The following MAST4 variants were observed in gnomAD, a reference collection of about 807,000 sequenced individuals.
MAST4 encodes microtubule-associated serine/threonine-protein kinase 4.
In MAST4, 89 loss-of-function variants were observed where a neutral mutation model predicts 162.7. The observed-to-expected ratio is 0.55, with a 90% confidence interval of 0.46 to 0.65. The LOEUF is 0.65. Ranked by LOEUF, MAST4 falls within the 30% of genes least tolerant of loss-of-function variation. MAST4 has a pLI of 0.00. For synonymous variants in MAST4, 1,479 were observed against 1,361.1 expected (o/e 1.09, Z -1.91); for missense variants, 3,153 against 3,374.0 (o/e 0.93, Z 1.62).
chr5:67,056,653 CAG>C (rs1237025041), intron 5 of MAST4, among the ~76,000 whole-genome samples: 1 of 152,128 alleles, frequency 6.6e-6, no homozygotes, highest in Non-Finnish European at 1.5e-5. Flanking sequence ...AGAATTTAAT[CAG>C]AGGAATGGGC....
intron 4 of MAST4, among the ~76,000 whole-genome samples, chr5:66,907,608 G>GTC (rs1763464157): frequency 6.6e-6 from 1 of 150,634 alleles, no homozygotes; most frequent in African/African-American, 2.5e-5. Context: ...GTGTGTGTGT[G>GTC]TGTGTGTGTG....
intron 4 of MAST4, chr5:66,964,004 G>A (rs1746342141): frequency 1.5e-6 from 1 of 688,288 alleles, no homozygotes; most frequent in Non-Finnish European, 2.7e-6. Flanking sequence ...TTCAATGTGT[G>A]TGTATATGTG....
intron 1 of MAST4, among the ~76,000 whole-genome samples, chr5:66,727,619 G>C (rs1286368157): frequency 6.6e-6 from 1 of 151,752 alleles, no homozygotes; most frequent in Non-Finnish European, 1.5e-5. Context: ...TGGCCACATG[G>C]TGAGACAGTT....
intron 3 of MAST4, among the ~76,000 whole-genome samples, chr5:66,867,676 T>C (rs1339624247): frequency 6.6e-6 from 1 of 152,216 alleles, no homozygotes; most frequent in Non-Finnish European, 1.5e-5. Context: ...TTTGGTTGGG[T>C]TCACATGAGC....
chr5:67,057,445 G>T (rs557418259), intron 5 of MAST4, among the ~76,000 whole-genome samples: 2 of 152,122 alleles, frequency 1.3e-5, no homozygotes, highest in African/African-American at 4.8e-5. Context: ...AGTAGAGATG[G>T]GGACATTAAT....
Position 66,918,088 on chromosome 5 carries a change from A to G in MAST4, c.674+18106A>G, listed in dbSNP as rs571046931. 3.9e-5 allele frequency among the ~76,000 whole-genome samples: 6 copies of G among 152,292 alleles called. No individual in the cohort carries two copies. The East Asian group carries it at 1.2e-3, about 29-fold the overall frequency. On this transcript the variant is annotated intron_variant, in intron 4 of 28. Transcript: ENST00000403625. ...ACTTCTGTCAGTTTTAATTCTTTAA[A>G]AGTGATTTACTTTATCTCTGTGATA... is the stretch of plus-strand genomic sequence containing the variant.
At chr5:66,624,821 T>C (rs1398802279) in intron 1 of MAST4, among the ~76,000 whole-genome samples, 1 of 152,174 alleles carries the variant, frequency 6.6e-6, no homozygotes, top group Admixed American at 6.5e-5. Flanking sequence ...AAGAATAAAA[T>C]TGGACGCCTG....
intron 3 of MAST4, among the ~76,000 whole-genome samples, chr5:66,888,258 G>A (rs533911357): frequency 9.9e-5 from 15 of 152,068 alleles, no homozygotes; most frequent in Middle Eastern, 3.4e-3. Flanking sequence ...ATCTTCCATC[G>A]TGCTCATACA....
At chr5:66,769,127 A>G (rs190224161) in intron 2 of MAST4, among the ~76,000 whole-genome samples, 1 of 152,332 alleles carries the variant, frequency 6.6e-6, no homozygotes, top group Non-Finnish European at 1.5e-5. Context: ...AAGCCGGTCT[A>G]CGTGTTTGTG....
chr5:67,021,276 CTTGAA>C (rs1488209099), intron 4 of MAST4, among the ~76,000 whole-genome samples: 2 of 152,120 alleles, frequency 1.3e-5, no homozygotes, highest in Non-Finnish European at 2.9e-5. Flanking sequence ...CATGTCCTGA[CTTGAA>C]TTGAATGTTG....
chr5:66,828,692 A>T, intron 3 of MAST4: 1 of 1,154,512 alleles, frequency 8.7e-7, no homozygotes, highest in Non-Finnish European at 1.2e-6. Flanking sequence ...TGGAGTGAAT[A>T]ACTAAGCTGG....
intron 3 of MAST4, among the ~76,000 whole-genome samples, chr5:66,826,231 G>T (rs906116005): frequency 5.9e-5 from 9 of 151,354 alleles, no homozygotes; most frequent in African/African-American, 1.5e-4. Context: ...ACAGGTAATC[G>T]ATATTTTTTC....
chr5:66,738,922 C>T (rs550922799), intron 1 of MAST4, among the ~76,000 whole-genome samples: 38 of 152,138 alleles, frequency 2.5e-4, no homozygotes, highest in Non-Finnish European at 4.6e-4. Flanking sequence ...CTGTAAGAAA[C>T]CTTAGAAGGT....
intron 4 of MAST4, among the ~76,000 whole-genome samples, chr5:66,915,127 G>A (rs1764023512): frequency 6.6e-6 from 1 of 152,004 alleles, no homozygotes; most frequent in African/African-American, 2.4e-5. Context: ...AGCCGGGCAT[G>A]GGGTGGCACA....
At chr5:67,015,982 G>C (rs1330367991) in intron 4 of MAST4, among the ~76,000 whole-genome samples, 1 of 152,134 alleles carries the variant, frequency 6.6e-6, no homozygotes, top group Non-Finnish European at 1.5e-5. Flanking sequence ...AATATTTATT[G>C]AGTACCTTTT....
chr5:66,619,570 A>T (rs1209405936), intron 1 of MAST4, among the ~76,000 whole-genome samples: 1 of 152,122 alleles, frequency 6.6e-6, no homozygotes, highest in Admixed American at 6.5e-5. Context: ...TGGCAAAGTA[A>T]GTTTGTTGAG....
chr5:66,752,231 A>C (rs950224327), intron 1 of MAST4, among the ~76,000 whole-genome samples: 13 of 152,210 alleles, frequency 8.5e-5, no homozygotes, highest in African/African-American at 2.7e-4. Flanking sequence ...AAGAAACTGC[A>C]TCAACTAATG....
At chr5:66,709,982 C>G (rs1750393411) in intron 1 of MAST4, among the ~76,000 whole-genome samples, 1 of 152,176 alleles carries the variant, frequency 6.6e-6, no homozygotes. Flanking sequence ...AGTGGCCCAT[C>G]ATATAGCTTG....
chr5:66,850,440 T>C (rs1759222876), intron 3 of MAST4, among the ~76,000 whole-genome samples: 1 of 152,214 alleles, frequency 6.6e-6, no homozygotes, highest in Non-Finnish European at 1.5e-5. Flanking sequence ...TGTGGCCACA[T>C]TGAACTACAG....
Sources: gnomAD v4.1 joint callset for allele counts (sites outside exome capture counted in the v4.1 genomes callset) on GRCh38, gnomAD v4.1.1 for gene constraint, MANE v1.5 for transcripts, NCBI Gene and HGNC (gene_info 2026-07-23, HGNC 2026-07-21) for gene names.